The following NSF variants were observed in gnomAD, a reference collection of about 807,000 sequenced individuals.
NSF encodes the protein vesicle-fusing ATPase.
NSF carries 14 observed loss-of-function variants against 50.3 expected under a neutral mutation model. The ratio of observed to expected loss-of-function variants is 0.28; its 90% CI spans 0.18 to 0.44. The LOEUF is 0.44. Ranked by LOEUF, NSF falls within the 20% of genes least tolerant of loss-of-function variation. NSF has a pLI of 1.00. For synonymous variants in NSF, 109 were observed against 175.7 expected (o/e 0.62, Z 3.00); for missense variants, 218 against 504.3 (o/e 0.43, Z 5.44).
In NSF at chr17:46,732,568, T is replaced by G. The variant is rs2058960607; in HGVS notation, c.1908+3634T>G. On this transcript the variant is annotated intron_variant, in intron 17 of 20. Coordinates refer to ENST00000398238, the MANE Select transcript of NSF (RefSeq NM_006178.4). ...AACCTGGTATTCAGTGGATTTGCTT[T>G]AAATTTAGCTGCAGAGTTAATTTCA... Among the ~76,000 whole-genome samples, 2 of 152,212 alleles carry G rather than the reference T, an allele frequency of 1.3e-5. 1 individual carries two copies. Among genetic ancestry groups the G allele is most frequent in the South Asian group, 4.1e-4 (2 of 4,826 alleles).
intron 17 of NSF, among the ~76,000 whole-genome samples, chr17:46,734,153 C>A (rs1024705383): frequency 1.3e-5 from 2 of 152,184 alleles, no homozygotes; most frequent in African/African-American, 2.4e-5. Flanking sequence ...TATTAAGCAA[C>A]TCTTTAGGCT....
chr17:46,721,770 A>G, intron 15 of NSF: 1 of 1,603,062 alleles, frequency 6.2e-7, no homozygotes, highest in Non-Finnish European at 8.5e-7. Context: ...GGGAAGACCA[A>G]GTCCTCAAGG....
chr17:46,714,020 T>C (rs746214428), intron 15 of NSF, 34 bp downstream of exon 15: 1 of 1,590,884 alleles, frequency 6.3e-7, no homozygotes, highest in South Asian at 1.2e-5. Context: ...TAATTTCCTA[T>C]CTCTTAAATG....
chr17:46,714,994 A>G lies in NSF; in HGVS notation c.1761+1008A>G, dbSNP rs146935277. Among the ~76,000 whole-genome samples, 47 of 152,316 alleles carry G rather than the reference A, an allele frequency of 3.1e-4. 1 individual carries two copies. The East Asian group carries it at 8.7e-3, about 28-fold the overall frequency. ...CGGTGTTTCTTTGGGAAAGAGACTGAAGAAGAGAAATAGATTTAAAAGATG... is the reference window on the plus strand; with the variant it reads ...CGGTGTTTCTTTGGGAAAGAGACTGGAGAAGAGAAATAGATTTAAAAGATG... On this transcript the variant is annotated intron_variant, in intron 15 of 20. Coordinates refer to ENST00000398238, the MANE Select transcript of NSF (RefSeq NM_006178.4).
At chr17:46,738,028 G>T (rs1037627707) in intron 17 of NSF, among the ~76,000 whole-genome samples, 70 of 151,756 alleles carry the variant, frequency 4.6e-4, no homozygotes, top group African/African-American at 1.7e-3. Context: ...TTACCTCCTG[G>T]GCTCAATTGA....
intron 17 of NSF, among the ~76,000 whole-genome samples, chr17:46,742,069 T>A (rs1313795751): frequency 6.6e-6 from 1 of 152,230 alleles, no homozygotes; most frequent in East Asian, 1.9e-4. Context: ...ACTTGTTATC[T>A]CACTAGCTTA....
At chr17:46,717,943 CAGA>C (rs2058790391) in intron 15 of NSF, among the ~76,000 whole-genome samples, 1 of 152,220 alleles carries the variant, frequency 6.6e-6, no homozygotes, top group Non-Finnish European at 1.5e-5. Context: ...GACCCTGGCC[CAGA>C]AGAAGTGCTG....
At chr17:46,755,757 A>G in intron 20 of NSF, 45 bp from the exon 21 acceptor site, 1 of 1,461,100 alleles carries the variant, frequency 6.8e-7, no homozygotes, top group Non-Finnish European at 9.1e-7. Context: ...ATAGTTTTTT[A>G]CGGACCCTCA....
chr17:46,630,246 G>A (rs2146145795), intron 3 of NSF, among the ~76,000 whole-genome samples, 165 bp from the exon 4 acceptor site: 1 of 36,706 alleles, frequency 2.7e-5, no homozygotes, highest in East Asian at 7.4e-4. Flanking sequence ...AGGTGTTGGG[G>A]GCTAAGACTT....
intron 17 of NSF, among the ~76,000 whole-genome samples, chr17:46,742,901 T>C (rs529274696): frequency 1.3e-5 from 2 of 152,294 alleles, no homozygotes; most frequent in East Asian, 1.9e-4. Flanking sequence ...TAAGAAAATA[T>C]GAAAAATTAT....
chr17:46,753,482 A>G (rs1020770853), intron 19 of NSF, among the ~76,000 whole-genome samples: 71 of 152,330 alleles, frequency 4.7e-4, no homozygotes, highest in African/African-American at 1.7e-3. Context: ...AATTAAAGTC[A>G]CAGACTAACC....
At chr17:46,727,263 G>A (rs1191554396) in intron 16 of NSF, among the ~76,000 whole-genome samples, 1 of 152,116 alleles carries the variant, frequency 6.6e-6, no homozygotes, top group Non-Finnish European at 1.5e-5. Context: ...ACTTGGTCCT[G>A]GCACTTAACT....
chr17:46,678,472 G>T (rs1279817179), intron 9 of NSF, among the ~76,000 whole-genome samples: 1 of 149,120 alleles, frequency 6.7e-6, no homozygotes. Flanking sequence ...AGAATGAAAG[G>T]AATTAAGAGA....
At chr17:46,685,518 G>A (rs1598680187) in intron 9 of NSF, among the ~76,000 whole-genome samples, 2 of 151,998 alleles carry the variant, frequency 1.3e-5, no homozygotes, top group Admixed American at 6.6e-5. Context: ...TAGAACAGCC[G>A]CTTTTGAAAG....
intron 17 of NSF, among the ~76,000 whole-genome samples, chr17:46,747,372 CTT>C (rs1457329602): frequency 6.6e-6 from 1 of 152,184 alleles, no homozygotes; most frequent in Non-Finnish European, 1.5e-5. Flanking sequence ...CCTCAAACTC[CTT>C]GGCTCAAGCG....
intron 15 of NSF, among the ~76,000 whole-genome samples, chr17:46,723,605 T>C (rs765980036): frequency 2.0e-5 from 3 of 152,210 alleles, no homozygotes; most frequent in African/African-American, 7.2e-5. Context: ...AATGTACTCA[T>C]GATCCATTTT....
chr17:46,735,353 A>G (rs1010623961), intron 17 of NSF, among the ~76,000 whole-genome samples: 1 of 152,130 alleles, frequency 6.6e-6, no homozygotes, highest in Non-Finnish European at 1.5e-5. Flanking sequence ...CTGTGGCATT[A>G]CATTAGCTTT....
intron 17 of NSF, among the ~76,000 whole-genome samples, chr17:46,739,313 G>A (rs1002255867): frequency 5.4e-5 from 8 of 149,104 alleles, no homozygotes; most frequent in Admixed American, 2.0e-4. Flanking sequence ...GGAGGTTGCA[G>A]CGAGCCGAGA....
At chr17:46,736,637 A>C (rs1248839417) in intron 17 of NSF, among the ~76,000 whole-genome samples, 1 of 152,234 alleles carries the variant, frequency 6.6e-6, no homozygotes, top group Non-Finnish European at 1.5e-5. Context: ...AAATGTGTAT[A>C]CAATTATTTT....
Sources: allele counts gnomAD v4.1 joint callset (sites outside exome capture counted in the v4.1 genomes callset), GRCh38; gene constraint gnomAD v4.1.1; transcripts MANE v1.5; gene names NCBI Gene and HGNC (gene_info 2026-07-23, HGNC 2026-07-21).